The following CNTN5 variants were observed in gnomAD, a reference collection of about 807,000 sequenced individuals.
CNTN5 encodes the protein contactin 5, also known as contactin-5.
A neutral mutation model predicts 129.1 loss-of-function variants in CNTN5; 77 were observed. The ratio of observed to expected loss-of-function variants is 0.60; its 90% CI spans 0.50 to 0.72. The LOEUF (loss-of-function observed/expected upper bound fraction) is 0.72. Among genes scored for constraint, CNTN5 ranks in the 30% least tolerant of loss-of-function variants. The probability of loss-of-function intolerance (pLI) is 0.00; values close to 1 mark genes in which losing one functional copy is unlikely to be tolerated. For missense variants in CNTN5, 1,478 were observed against 1,328.8 expected (o/e 1.11, Z -1.75); for synonymous variants, 509 against 465.6 (o/e 1.09, Z -1.20).
At chr11:99,512,475 C>T (rs1049434794) in intron 2 of CNTN5, among the ~76,000 whole-genome samples, 1 of 152,152 alleles carries the variant, frequency 6.6e-6, no homozygotes, top group Non-Finnish European at 1.5e-5. Context: ...ACTGTATAGG[C>T]ATACCTTGCT....
chr11:100,302,503 A>G (rs1951246027), intron 20 of CNTN5, among the ~76,000 whole-genome samples: 1 of 151,654 alleles, frequency 6.6e-6, no homozygotes, highest in South Asian at 2.1e-4. Context: ...AAGAGGAGTG[A>G]GACTGCCTTA....
At chr11:99,471,463 C>T (rs1375860767) in intron 2 of CNTN5, among the ~76,000 whole-genome samples, 1 of 152,084 alleles carries the variant, frequency 6.6e-6, no homozygotes, top group East Asian at 1.9e-4. Flanking sequence ...CTTTCCTGGT[C>T]TAAATTTGTC....
rs552096513 is a variant in CNTN5, at chr11:99,273,044, ATGAT to A, written c.-209-52299_-209-52296del. Among the ~76,000 whole-genome samples, 141 of 151,950 alleles carry A rather than the reference ATGAT, an allele frequency of 9.3e-4. 1 individual carries two copies. Among genetic ancestry groups the A allele is most frequent in the African/African-American group, 3.3e-3 (138 of 41,514 alleles). ...TTTAATTTATACAATACAAATAACA[ATGAT>A]TGTGTCATGGGGATGTCCTTGGCTT... On this transcript the variant is annotated intron_variant, in intron 1 of 24. Transcript: ENST00000524871.
intron 2 of CNTN5, among the ~76,000 whole-genome samples, chr11:99,453,580 C>T (rs1272650590): frequency 6.6e-6 from 1 of 152,130 alleles, no homozygotes; most frequent in African/African-American, 2.4e-5. Flanking sequence ...ATAGCCTAAA[C>T]TTAATACAAT....
chr11:99,264,484 T>A (rs79669285), intron 1 of CNTN5, among the ~76,000 whole-genome samples: 12,535 of 152,078 alleles, frequency 0.082, 558 homozygotes, highest in South Asian at 0.12. Context: ...GGATCTATAA[T>A]ATGAATTCAC....
intron 4 of CNTN5, 108 bp downstream of exon 4, chr11:99,819,873 G>A: frequency 1.4e-6 from 1 of 738,610 alleles, no homozygotes; most frequent in South Asian, 1.8e-5. Flanking sequence ...GAGAGTGATT[G>A]AACTCAACTC....
rs139318167 is a variant in CNTN5, at chr11:99,686,277, T to A, written c.55+130008T>A. ...TGCTTATTTAGAGTCATTTTTATTCTGTTGACAGAAATTTCTTTAGGATTT... is the reference window on the plus strand; with the variant it reads ...TGCTTATTTAGAGTCATTTTTATTCAGTTGACAGAAATTTCTTTAGGATTT... On this transcript the variant is annotated intron_variant, in intron 3 of 24. Coordinates refer to ENST00000524871, the MANE Select transcript of CNTN5 (RefSeq NM_014361.4). Among the ~76,000 whole-genome samples the A allele has an allele frequency of 6.3e-3, 965 of 152,268 alleles. 7 individuals are homozygous for A. Among genetic ancestry groups the A allele is most frequent in the Non-Finnish European group, 0.011 (746 of 67,990 alleles).
At chr11:100,284,088 C>CA (rs1187034840) in intron 18 of CNTN5, among the ~76,000 whole-genome samples, 2 of 152,218 alleles carry the variant, frequency 1.3e-5, no homozygotes, top group Non-Finnish European at 2.9e-5. Flanking sequence ...CTCCCTCTCC[C>CA]AAGCAAACAG....
At chr11:99,414,859 T>C (rs1052726454) in intron 2 of CNTN5, among the ~76,000 whole-genome samples, 3 of 151,998 alleles carry the variant, frequency 2.0e-5, no homozygotes, top group African/African-American at 7.2e-5. Flanking sequence ...GTGGTCAGAG[T>C]AAGGATACTG....
intron 1 of CNTN5, among the ~76,000 whole-genome samples, chr11:99,314,671 A>G (rs1337967148): frequency 2.0e-5 from 3 of 151,968 alleles, no homozygotes; most frequent in African/African-American, 7.2e-5. Context: ...TACTACTGCT[A>G]TTAAGTAACA....
At chr11:99,443,927 G>A (rs549947958) in intron 2 of CNTN5, among the ~76,000 whole-genome samples, 80 of 152,192 alleles carry the variant, frequency 5.3e-4, no homozygotes, top group African/African-American at 1.8e-3. Flanking sequence ...GGTGGGTGCC[G>A]TGGCTCACGC....
chr11:99,554,941 A>T (rs1012851338), intron 2 of CNTN5, among the ~76,000 whole-genome samples: 13 of 152,032 alleles, frequency 8.6e-5, no homozygotes, highest in Admixed American at 8.5e-4. Context: ...ATGATGAAAA[A>T]ATTCTTTTGT....
chr11:99,741,240 T>A (rs927652149), intron 3 of CNTN5, among the ~76,000 whole-genome samples: 1 of 152,194 alleles, frequency 6.6e-6, no homozygotes, highest in Non-Finnish European at 1.5e-5. Context: ...AAAACTTACA[T>A]AAACCATTAA....
intron 8 of CNTN5, among the ~76,000 whole-genome samples, chr11:99,978,636 G>A (rs1938146275): frequency 6.6e-6 from 1 of 152,176 alleles, no homozygotes; most frequent in Non-Finnish European, 1.5e-5. Flanking sequence ...TGCAGCCTAG[G>A]AACAATAGGG....
chr11:99,429,408 T>A, intron 2 of CNTN5, among the ~76,000 whole-genome samples: 1 of 152,122 alleles, frequency 6.6e-6, no homozygotes, highest in East Asian at 1.9e-4. Context: ...TTCTTGATAA[T>A]CTACTTCATT....
intron 15 of CNTN5, among the ~76,000 whole-genome samples, chr11:100,215,886 A>T (rs951650048): frequency 6.6e-6 from 1 of 152,160 alleles, no homozygotes; most frequent in African/African-American, 2.4e-5. Flanking sequence ...AAGAAATGGA[A>T]GTAGAATGAA....
intron 1 of CNTN5, among the ~76,000 whole-genome samples, chr11:99,218,083 G>A (rs1308349694): frequency 6.6e-6 from 1 of 152,092 alleles, no homozygotes; most frequent in African/African-American, 2.4e-5. Context: ...AGTTCTAGCA[G>A]TAGCTACTGT....
intron 18 of CNTN5, among the ~76,000 whole-genome samples, chr11:100,272,172 A>T (rs1950418987): frequency 6.6e-6 from 1 of 152,182 alleles, no homozygotes; most frequent in Non-Finnish European, 1.5e-5. Context: ...AAGTGCACTG[A>T]AAATGAAGGT....
chr11:99,834,160 A>G (rs996837990), intron 4 of CNTN5, among the ~76,000 whole-genome samples: 2 of 152,144 alleles, frequency 1.3e-5, no homozygotes, highest in African/African-American at 4.8e-5. Flanking sequence ...TCAGAACTTA[A>G]CCAGAGGTTG....
Sources: gnomAD v4.1 joint callset for allele counts (sites outside exome capture counted in the v4.1 genomes callset) on GRCh38, gnomAD v4.1.1 for gene constraint, MANE v1.5 for transcripts, NCBI Gene and HGNC (gene_info 2026-07-23, HGNC 2026-07-21) for gene names.